Variants in MAST4 observed in about 807,000 individuals in gnomAD.
The protein encoded by MAST4 is microtubule associated serine/threonine kinase family member 4, also known as microtubule-associated serine/threonine-protein kinase 4.
MAST4 carries 89 observed loss-of-function variants against 162.7 expected under a neutral mutation model. The observed-to-expected ratio is 0.55, with a 90% CI of 0.46 to 0.65. The LOEUF is 0.65. MAST4 is among the 30% of genes least tolerant of loss of function. The pLI is 0.00. For missense variants in MAST4, 3,153 were observed against 3,374.0 expected (o/e 0.93, Z 1.62); for synonymous variants, 1,479 against 1,361.1 (o/e 1.09, Z -1.91).
chr5:66,791,742 A>T (rs2149680666), intron 3 of MAST4, among the ~76,000 whole-genome samples: 1 of 152,334 alleles, frequency 6.6e-6, no homozygotes, highest in East Asian at 1.9e-4. Flanking sequence ...ACTACTAGAT[A>T]GTGAAGGTTT....
chr5:66,650,961 G>T (rs945183717), intron 1 of MAST4, among the ~76,000 whole-genome samples: 11 of 152,190 alleles, frequency 7.2e-5, no homozygotes, highest in African/African-American at 2.4e-4. Flanking sequence ...CTAGGAGGAG[G>T]AACTGCAGTC....
At chr5:66,694,191 G>C (rs1329333235) in intron 1 of MAST4, among the ~76,000 whole-genome samples, 1 of 152,176 alleles carries the variant, frequency 6.6e-6, no homozygotes, top group Non-Finnish European at 1.5e-5. Flanking sequence ...TCTTGGAATA[G>C]AGCCTGGAGC....
chr5:66,828,358 G>A (rs1380968046), intron 3 of MAST4, among the ~76,000 whole-genome samples: 1 of 152,154 alleles, frequency 6.6e-6, no homozygotes, highest in Non-Finnish European at 1.5e-5. Flanking sequence ...TAGTGGTGCT[G>A]CTTGGCTGAC....
intron 4 of MAST4, among the ~76,000 whole-genome samples, chr5:67,049,023 G>GTA (rs10598203): frequency 0.023 from 2,002 of 85,552 alleles, 106 homozygotes; most frequent in African/African-American, 0.07. Context: ...ATATATATAC[G>GTA]TATATATATA....
At position 67,114,111 on chromosome 5, in the gene MAST4, T is replaced by C; in HGVS notation, c.1483T>C (p.Tyr495His). Reference protein sequence around the residue: ...CLEFDPEEFYYLLEAAEGHAK... With the variant: ...CLEFDPEEFYHLLEAAEGHAK... ...GGAATTTGATCCGGAAGAATTTTAC[T>C]ACCTATTGGAAGCAGCAGAAGGCCA... Residue 495 changes from tyrosine (Y) to histidine (H), a missense_variant, in exon 12 of 29, where the codon TAC (tyrosine) becomes CAC (histidine). Around this residue, in one of 7 missense-constraint regions of MAST4, gnomAD observed 360 missense variants for 450.0 expected, o/e 0.80. Coordinates refer to ENST00000403625, the MANE Select transcript of MAST4 (RefSeq NM_001164664.2). 2 of 1,613,822 alleles carry C rather than the reference T, an allele frequency of 1.2e-6. No homozygotes were observed. The highest frequency in any genetic ancestry group is 1.7e-6 in the Non-Finnish European group (2 of 1,179,838).
intron 3 of MAST4, among the ~76,000 whole-genome samples, chr5:66,836,134 G>A (rs559362538): frequency 2.0e-5 from 3 of 151,748 alleles, no homozygotes; most frequent in Middle Eastern, 6.8e-3. Context: ...TCGTGCCACT[G>A]CACTCCAGCC....
intron 3 of MAST4, among the ~76,000 whole-genome samples, chr5:66,815,896 A>G (rs1756693606): frequency 6.6e-6 from 1 of 152,196 alleles, no homozygotes; most frequent in South Asian, 2.1e-4. Context: ...CAGGTAAAGT[A>G]TGGAATCATC....
At chr5:66,954,284 G>C (rs1364928497) in intron 4 of MAST4, among the ~76,000 whole-genome samples, 2 of 152,116 alleles carry the variant, frequency 1.3e-5, no homozygotes, top group Non-Finnish European at 2.9e-5. Context: ...TCTTCATGTG[G>C]TATCTGAACA....
At chr5:66,916,337 A>G (rs75485271) in intron 4 of MAST4, among the ~76,000 whole-genome samples, 15,523 of 152,228 alleles carry the variant, frequency 0.1, 1,077 homozygotes, top group Admixed American at 0.14. Flanking sequence ...AGAGAGATGG[A>G]ATGGATATTA....
At chr5:66,877,319 C>T (rs1033139829) in intron 3 of MAST4, among the ~76,000 whole-genome samples, 3 of 152,194 alleles carry the variant, frequency 2.0e-5, no homozygotes, top group African/African-American at 7.2e-5. Context: ...CCCATGGGTC[C>T]AGCCTGCTTC....
At position 67,085,969 on chromosome 5, in the gene MAST4, A is replaced by G. The variant is rs543057870; in HGVS notation, c.764-4193A>G. Among the ~76,000 whole-genome samples the G allele has an allele frequency of 1.1e-4, 17 of 152,278 alleles. No individual in the cohort carries two copies. In the South Asian group the frequency reaches 1.7e-3, roughly 15 times the overall value. Reference sequence around the variant, plus strand: ...CTTTATCTGTTGGTATTCATCATACAAGGAGATCCTAGGTTTGATTCTGTG... The same window carrying G: ...CTTTATCTGTTGGTATTCATCATACGAGGAGATCCTAGGTTTGATTCTGTG... On this transcript the variant is annotated intron_variant, in intron 5 of 28. Coordinates refer to ENST00000403625, the MANE Select transcript of MAST4 (RefSeq NM_001164664.2).
intron 1 of MAST4, among the ~76,000 whole-genome samples, chr5:66,704,182 C>G (rs529490851): frequency 2.2e-4 from 34 of 152,210 alleles, no homozygotes; most frequent in Admixed American, 1.9e-3. Context: ...TTGGAGTGCT[C>G]AAATCACCCT....
intron 8 of MAST4, 73 bp downstream of exon 8, chr5:67,100,665 G>A: frequency 6.4e-7 from 1 of 1,560,044 alleles, no homozygotes; most frequent in East Asian, 2.2e-5. Context: ...GAACACTTCG[G>A]TCCTTTAGGT....
At chr5:66,899,112 C>T (rs1228770333) in intron 3 of MAST4, among the ~76,000 whole-genome samples, 1 of 152,226 alleles carries the variant, frequency 6.6e-6, no homozygotes, top group Non-Finnish European at 1.5e-5. Flanking sequence ...CCAAACGACT[C>T]ATTGCTTCCT....
intron 2 of MAST4, among the ~76,000 whole-genome samples, chr5:66,778,544 G>GT (rs1754706631): frequency 6.6e-6 from 1 of 152,110 alleles, no homozygotes; most frequent in African/African-American, 2.4e-5. Flanking sequence ...AGAAGAAATA[G>GT]TTTTTTTATG....
intron 1 of MAST4, among the ~76,000 whole-genome samples, chr5:66,633,956 T>C (rs1196738044): frequency 6.6e-6 from 1 of 152,200 alleles, no homozygotes; most frequent in South Asian, 2.1e-4. Context: ...AGGATCATGT[T>C]ACACAGCTGC....
At chr5:66,950,703 G>C (rs1369962531) in intron 4 of MAST4, among the ~76,000 whole-genome samples, 1 of 152,096 alleles carries the variant, frequency 6.6e-6, no homozygotes, top group African/African-American at 2.4e-5. Context: ...TCGAAGCCTG[G>C]CTTGCTTCCA....
intron 4 of MAST4, among the ~76,000 whole-genome samples, chr5:66,970,616 C>T (rs925893398): frequency 6.6e-6 from 1 of 152,168 alleles, no homozygotes; most frequent in Admixed American, 6.5e-5. Context: ...TTTATCTATG[C>T]ACTCACCTTT....
At chr5:66,729,133 A>T (rs1751691603) in intron 1 of MAST4, among the ~76,000 whole-genome samples, 1 of 152,222 alleles carries the variant, frequency 6.6e-6, no homozygotes, top group Non-Finnish European at 1.5e-5. Context: ...ACCCATTTGA[A>T]AGGAAGGGTA....
Sources: allele counts gnomAD v4.1 joint callset (sites outside exome capture counted in the v4.1 genomes callset), GRCh38; gene constraint gnomAD v4.1.1; regional missense constraint gnomAD v4.1.1; transcripts MANE v1.5; gene names NCBI Gene and HGNC (gene_info 2026-07-23, HGNC 2026-07-21).